The following CYP4V2 variants were observed in gnomAD, a reference collection of about 807,000 sequenced individuals.
CYP4V2 encodes cytochrome P450 4V2.
In CYP4V2, 55 loss-of-function variants were observed where a neutral mutation model predicts 60.8. The ratio of observed to expected loss-of-function variants is 0.90; its 90% confidence interval spans 0.73 to 1.13. The LOEUF (loss-of-function observed/expected upper bound fraction) is 1.13. CYP4V2 is among the 50% of genes most tolerant of loss of function. The pLI is 0.00. For synonymous variants in CYP4V2, 239 were observed against 236.8 expected, an observed-to-expected ratio of 1.01 and a Z score of -0.08; for missense variants, 675 against 662.9, an observed-to-expected ratio of 1.02 and a Z score of -0.20.
chr4:186,198,432 C>G (rs554025514), intron 5 of CYP4V2, among the ~76,000 whole-genome samples: 1 of 152,176 alleles, frequency 6.6e-6, no homozygotes, highest in African/African-American at 2.4e-5. Flanking sequence ...TCTGAAGAAC[C>G]GGCACCTAAG....
chr4:186,194,565 G>A lies in CYP4V2; in HGVS notation c.280G>A (p.Val94Ile). 1 of 1,614,206 alleles carries A rather than the reference G, an allele frequency of 6.2e-7. No homozygotes were observed. Among genetic ancestry groups the A allele is most frequent in the Non-Finnish European group, 8.5e-7 (1 of 1,180,036 alleles). Residue 94 changes from valine (V) to isoleucine (I), a missense_variant, in exon 2 of 11, where the codon GTC becomes ATC. By Grantham distance (29) the Val-to-Ile change is conservative. Transcript: ENST00000378802. The stretch of plus-strand genomic sequence containing the variant: ...CCACATGCCGCTGCTGAAGCTCTGG[G>A]TCGGGCCAGTGCCCATGGTGGCCCT... Reference protein sequence around the residue: ...YRHMPLLKLWVGPVPMVALYN... With the variant: ...YRHMPLLKLWIGPVPMVALYN...
chr4:186,197,426 A>T, intron 4 of CYP4V2, 107 bp from the exon 5 acceptor site: 1 of 1,140,070 alleles, frequency 8.8e-7, no homozygotes. Flanking sequence ...TCTGAAATAT[A>T]CAAGGACAAA....
At position 186,194,631 on chromosome 4, in the gene CYP4V2, G is replaced by T; in HGVS notation, c.327+19G>T. The stretch of plus-strand genomic sequence containing the variant: ...TGTGGAGGTGGGTACATGTGAATAT[G>T]ATCAGTATTGTACTGTGTATCTGAC... On this transcript the variant is annotated intron_variant, in intron 2 of 10. Coordinates refer to ENST00000378802, the MANE Select transcript of CYP4V2 (RefSeq NM_207352.4). 1.3e-6 allele frequency: 2 copies of T among 1,578,660 alleles called. No homozygotes were observed. The highest frequency in any genetic ancestry group is 1.1e-5 in the South Asian group (1 of 90,204).
At position 186,197,503 on chromosome 4, in the gene CYP4V2, G is replaced by C; in HGVS notation, c.605-30G>C. 4 of 1,607,680 alleles carry C rather than the reference G, an allele frequency of 2.5e-6. No homozygotes were observed. In the South Asian group the frequency reaches 3.3e-5, roughly 13 times the overall value. On this transcript the variant is annotated intron_variant, in intron 4 of 10. Transcript: ENST00000378802. ...ACGAGATAACTAACGTGCGTGAATT[G>C]AATGGTTGCTTCTCACCCATATTTT... is the stretch of plus-strand genomic sequence containing the variant.
At chr4:186,192,082 C>G in intron 1 of CYP4V2, 45 bp downstream of exon 1, 1 of 1,535,190 alleles carries the variant, frequency 6.5e-7, no homozygotes, top group South Asian at 1.2e-5. Context: ...GTCCGCAGCC[C>G]CGTTCCCACC....
rs539913844 is a variant in CYP4V2 at position 186,191,622 on chromosome 4, G to T, written c.-202G>T. On this transcript the variant is annotated 5_prime_UTR_variant, in exon 1 of 11. Coordinates refer to ENST00000378802, the MANE Select transcript of CYP4V2 (RefSeq NM_207352.4). ...GCCGCGGTGCTGCGTAGGCCGGGCC[G>T]GGCGCAGGAACAGCCCCGTGGCGCC... 9.8e-4 allele frequency: 361 copies of T among 369,672 alleles called. 2 individuals are homozygous for T. The highest frequency in any genetic ancestry group is 7.2e-3 in the African/African-American group (338 of 46,920). The allele number at this position is 369,672 out of a possible 1,614,324, so 22.9% of individuals were successfully genotyped here. A position where few individuals can be genotyped will look rare whatever the true frequency, so the allele number is the denominator to read the frequency against.
At chr4:186,203,554 T>G (rs1736392025) in intron 7 of CYP4V2, 1 of 152,280 alleles carries the variant, frequency 6.6e-6, no homozygotes, top group South Asian at 2.1e-4. Flanking sequence ...TGCTTTACGT[T>G]TGCCTTATCA....
chr4:186,196,902 G>A, intron 3 of CYP4V2, 38 bp from the exon 4 acceptor site: 3 of 1,564,880 alleles, frequency 1.9e-6, no homozygotes, highest in East Asian at 2.2e-5. Context: ...CTCTCTCTCT[G>A]TAGATATATT....
chr4:186,193,849 C>T (rs965716329), intron 1 of CYP4V2, among the ~76,000 whole-genome samples: 33 of 152,204 alleles, frequency 2.2e-4, no homozygotes, highest in African/African-American at 7.2e-4. Context: ...GCCATTTCAC[C>T]TTGAAGATTG....
intron 8 of CYP4V2, among the ~76,000 whole-genome samples, chr4:186,206,042 T>G (rs1425209294): frequency 6.6e-6 from 1 of 152,160 alleles, no homozygotes; most frequent in Non-Finnish European, 1.5e-5. Flanking sequence ...CATCACCATG[T>G]GGGCAGGGCT....
intron 7 of CYP4V2, chr4:186,204,914 C>T (rs992598319): frequency 3.0e-5 from 14 of 466,322 alleles, no homozygotes; most frequent in African/African-American, 4.0e-5. Flanking sequence ...AGGCGCAGCT[C>T]ACCTCGTGCC....
intron 8 of CYP4V2, among the ~76,000 whole-genome samples, chr4:186,206,333 CA>C (rs1226078235): frequency 2.6e-5 from 4 of 152,164 alleles, no homozygotes; most frequent in African/African-American, 9.7e-5. Flanking sequence ...TTAATTTAAT[CA>C]AATCTGCCAA....
chr4:186,201,558 A>T, intron 7 of CYP4V2: 1 of 455,326 alleles, frequency 2.2e-6, no homozygotes, highest in Non-Finnish European at 3.8e-6. Flanking sequence ...ACAGCAGTAG[A>T]CACATTTGTT....
intron 3 of CYP4V2, chr4:186,196,343 A>C (rs1736145732): frequency 1.9e-6 from 1 of 524,250 alleles, no homozygotes. Flanking sequence ...AAGACTCAGG[A>C]GGTCCTGATG....
Position 186,209,203 on chromosome 4 carries a change from C to T in CYP4V2, c.1336C>T (p.Pro446Ser). Residue 446 changes from proline to serine, a missense_variant, in exon 10 of 11, where the codon CCC becomes TCC. By Grantham distance (74) the Pro-to-Ser change is moderately conservative (BLOSUM62 -1). Transcript: ENST00000378802. The part of the protein sequence containing the change: ...PEEFQPERFF[P>S]ENAQGRHPYA... ...GGAGTTCCAGCCTGAGCGGTTCTTC[C>T]CCGAGAATGCACAAGGGCGCCATCC... 1 of 1,614,036 alleles carries T rather than the reference C, an allele frequency of 6.2e-7. No individual in the cohort carries two copies. Among genetic ancestry groups the T allele is most frequent in the Non-Finnish European group, 8.5e-7 (1 of 1,180,010 alleles).
intron 7 of CYP4V2, chr4:186,202,739 TAC>T (rs1168205757): frequency 5.3e-5 from 8 of 150,734 alleles, no homozygotes; most frequent in African/African-American, 1.7e-4. Flanking sequence ...CACACCTACA[TAC>T]ACTCATGCAC....
In CYP4V2 at chr4:186,191,870, G is replaced by T; in HGVS notation, c.47G>T (p.Trp16Leu). ...LGLVWQKLLL[W>L]GAASALSLAG... ...CTCGTGTGGCAGAAGCTGCTGCTGTGGGGCGCGGCGAGTGCCCTTTCCCTG... is the reference window on the plus strand; with the variant it reads ...CTCGTGTGGCAGAAGCTGCTGCTGTTGGGCGCGGCGAGTGCCCTTTCCCTG... The change falls in exon 1 of 11, where the codon TGG (tryptophan) becomes TTG (leucine). Residue 16 changes from tryptophan to leucine, a missense_variant. Transcript: ENST00000378802. 6.3e-7 allele frequency: 1 copy of T among 1,586,998 alleles called. No individual in the cohort carries two copies.
Position 186,201,233 on chromosome 4 carries a change from A to G in CYP4V2, c.878A>G (p.Lys293Arg), listed in dbSNP as rs924936932. The change falls in exon 7 of 11, where the codon AAA (lysine) becomes AGA (arginine). Residue 293 changes from lysine to arginine, a missense_variant. Transcript: ENST00000378802. ...RGDGRGSAPSKNKRRAFLDLL... is the reference protein window; with the variant it reads ...RGDGRGSAPSRNKRRAFLDLL... ...GATGGCAGGGGCTCTGCCCCCTCCA[A>G]AAATAAACGCAGGGCCTTTCTTGAC... 1 of 1,614,190 alleles carries G rather than the reference A, an allele frequency of 6.2e-7. No homozygotes were observed. The highest frequency in any genetic ancestry group is 8.5e-7 in the Non-Finnish European group (1 of 1,180,028).
chr4:186,207,118 G>A (rs1425151214), intron 8 of CYP4V2, among the ~76,000 whole-genome samples: 1 of 151,860 alleles, frequency 6.6e-6, no homozygotes, highest in East Asian at 1.9e-4. Flanking sequence ...TAGAATTTTT[G>A]AGCAACTAAG....
Sources: gnomAD v4.1 joint callset for allele counts (sites outside exome capture counted in the v4.1 genomes callset) on GRCh38, gnomAD v4.1.1 for gene constraint, MANE v1.5 for transcripts, NCBI Gene and HGNC (gene_info 2026-07-23, HGNC 2026-07-21) for gene names.